The following RIMS1 variants were observed in gnomAD, a reference collection of about 807,000 sequenced individuals.
The protein encoded by RIMS1 is regulating synaptic membrane exocytosis 1.
Under a neutral mutation model 214.1 loss-of-function variants are expected in RIMS1, and 83 were observed. That is an observed-to-expected ratio of 0.39 (90% confidence interval 0.32 to 0.47). RIMS1 has a LOEUF of 0.47. Among genes scored for constraint, RIMS1 ranks in the 20% least tolerant of loss-of-function variants. The pLI is 0.99. For synonymous variants in RIMS1, 793 were observed against 786.8 expected (o/e 1.01, Z -0.13); for missense variants, 2,050 against 2,161.8 (o/e 0.95, Z 1.03).
At chr6:72,099,914 T>A (rs1187980457) in intron 3 of RIMS1, 61 bp from the exon 4 acceptor site, 5 of 1,411,484 alleles carry the variant, frequency 3.5e-6, no homozygotes, top group Non-Finnish European at 5.0e-6. Flanking sequence ...CATGGCTCAA[T>A]TTTGTTTTTC....
At chr6:72,050,827 G>T in intron 2 of RIMS1, among the ~76,000 whole-genome samples, 1 of 152,190 alleles carries the variant, frequency 6.6e-6, no homozygotes. Context: ...GTGCTCCAGT[G>T]TGGGACATCC....
intron 4 of RIMS1, among the ~76,000 whole-genome samples, chr6:72,141,283 A>T (rs1031948767): frequency 1.3e-5 from 2 of 152,052 alleles, no homozygotes; most frequent in African/African-American, 4.8e-5. Flanking sequence ...AGTGCCAGAC[A>T]GTTGAGCATG....
chr6:72,347,600 T>C (rs976421796), intron 29 of RIMS1, among the ~76,000 whole-genome samples: 12 of 152,032 alleles, frequency 7.9e-5, no homozygotes, highest in African/African-American at 2.6e-4. Context: ...TTATTTGACA[T>C]GAGCAAATGA....
Position 71,936,955 on chromosome 6 carries a change from C to T in RIMS1, c.165-32028C>T, listed in dbSNP as rs141965730. On this transcript the variant is annotated intron_variant, in intron 1 of 33. Coordinates refer to ENST00000521978, the MANE Select transcript of RIMS1 (RefSeq NM_014989.7). ...AAAGTATTAGCTTTCTATCACTGTCCAGTTCTGCTGTAAAACTCTGGGAAT... is the reference window on the plus strand; with the variant it reads ...AAAGTATTAGCTTTCTATCACTGTCTAGTTCTGCTGTAAAACTCTGGGAAT... Among the ~76,000 whole-genome samples the T allele has an allele frequency of 2.3e-3, 346 of 152,304 alleles. 1 individual carries two copies. Among genetic ancestry groups the T allele is most frequent in the African/African-American group, 7.7e-3 (322 of 41,570 alleles).
At chr6:72,046,905 A>G (rs1221655667) in intron 2 of RIMS1, among the ~76,000 whole-genome samples, 1 of 152,114 alleles carries the variant, frequency 6.6e-6, no homozygotes, top group Non-Finnish European at 1.5e-5. Context: ...ATTACCCCAA[A>G]GAATGCTTTT....
intron 4 of RIMS1, among the ~76,000 whole-genome samples, chr6:72,137,776 G>A (rs553250153): frequency 4.5e-5 from 6 of 133,780 alleles, no homozygotes; most frequent in South Asian, 2.3e-4. Flanking sequence ...TTGCTCTGTC[G>A]CCCAGGCTGG....
chr6:72,284,024 G>A, intron 23 of RIMS1, 23 bp from the exon 24 acceptor site: 2 of 1,579,118 alleles, frequency 1.3e-6, no homozygotes, highest in Non-Finnish European at 1.7e-6. Context: ...CATATATTTT[G>A]TGTTTAACAT....
At chr6:71,931,632 G>T (rs946273728) in intron 1 of RIMS1, among the ~76,000 whole-genome samples, 4 of 151,372 alleles carry the variant, frequency 2.6e-5, no homozygotes, top group Non-Finnish European at 5.9e-5. Context: ...GTTCCTTATA[G>T]ACCCTGGATA....
At chr6:72,111,192 T>G (rs1481176589) in intron 4 of RIMS1, among the ~76,000 whole-genome samples, 2 of 152,204 alleles carry the variant, frequency 1.3e-5, no homozygotes, top group East Asian at 1.9e-4. Context: ...AGGCATGTCT[T>G]TCTTTATCCT....
chr6:71,980,967 A>C (rs1271924903), intron 2 of RIMS1, among the ~76,000 whole-genome samples: 2 of 152,162 alleles, frequency 1.3e-5, no homozygotes, highest in Non-Finnish European at 2.9e-5. Flanking sequence ...ACATTCCTAA[A>C]GTATGCATTT....
intron 6 of RIMS1, among the ~76,000 whole-genome samples, chr6:72,230,014 A>G (rs1037857595): frequency 6.6e-6 from 1 of 151,820 alleles, no homozygotes; most frequent in Non-Finnish European, 1.5e-5. Flanking sequence ...ATTCAGTTCC[A>G]ACTCACATCC....
intron 28 of RIMS1, among the ~76,000 whole-genome samples, chr6:72,318,507 G>A (rs760021582): frequency 6.6e-6 from 1 of 152,046 alleles, no homozygotes; most frequent in African/African-American, 2.4e-5. Context: ...GCATATTCTT[G>A]TACAATGTTT....
chr6:71,904,905 A>G (rs966526332), intron 1 of RIMS1, among the ~76,000 whole-genome samples: 1 of 152,166 alleles, frequency 6.6e-6, no homozygotes, highest in Non-Finnish European at 1.5e-5. Context: ...CACTGAGGAC[A>G]TTTAATTTGA....
intron 26 of RIMS1, among the ~76,000 whole-genome samples, chr6:72,300,632 T>C (rs1384901147): frequency 1.3e-5 from 2 of 151,812 alleles, no homozygotes; most frequent in African/African-American, 2.4e-5. Flanking sequence ...GTGCATCTTA[T>C]GGGAGATAGT....
chr6:72,175,430 T>C (rs760625046), intron 4 of RIMS1: 1 of 372,958 alleles, frequency 2.7e-6, no homozygotes, highest in South Asian at 2.1e-5. Context: ...CCCAGCACTT[T>C]GGGAGGCTGA....
Position 71,887,205 on chromosome 6 carries a change from G to C in RIMS1, c.164+18G>C, listed in dbSNP as rs542773372. 3.8e-6 allele frequency: 6 copies of C among 1,595,554 alleles called. No individual in the cohort carries two copies. In the South Asian group the frequency reaches 4.5e-5, roughly 12 times the overall value. Reference sequence around the variant, plus strand: ...ATGCTCAAGTAAGCCAGCCCCAGCCGCGCCATCCATGCCTCCGTGCCTCCA... The same window carrying C: ...ATGCTCAAGTAAGCCAGCCCCAGCCCCGCCATCCATGCCTCCGTGCCTCCA... On this transcript the variant is annotated intron_variant, in intron 1 of 33. Coordinates refer to ENST00000521978, the MANE Select transcript of RIMS1 (RefSeq NM_014989.7).
rs867710746 is a variant in RIMS1 at position 71,944,528 on chromosome 6, C to T, written c.165-24455C>T. Among the ~76,000 whole-genome samples, 6 of 152,080 alleles carry T rather than the reference C, an allele frequency of 3.9e-5. No individual in the cohort carries two copies. The South Asian group carries it at 1.2e-3, about 32-fold the overall frequency. On this transcript the variant is annotated intron_variant, in intron 1 of 33. Transcript: ENST00000521978. ...AGATGGAGTAATATTAGAAAATGTACAGTTGGTGTGAAGTGGGTGTTAGAG... is the reference window on the plus strand; with the variant it reads ...AGATGGAGTAATATTAGAAAATGTATAGTTGGTGTGAAGTGGGTGTTAGAG...
At chr6:72,382,893 T>C (rs1218223150) in intron 29 of RIMS1, among the ~76,000 whole-genome samples, 1 of 152,192 alleles carries the variant, frequency 6.6e-6, no homozygotes, top group Non-Finnish European at 1.5e-5. Flanking sequence ...CAATCTACAG[T>C]CTCTCAATAA....
chr6:72,022,557 A>C (rs1214773777), intron 2 of RIMS1, among the ~76,000 whole-genome samples: 1 of 152,224 alleles, frequency 6.6e-6, no homozygotes, highest in East Asian at 1.9e-4. Flanking sequence ...CAAAATATGT[A>C]ACCTCATTAA....
Sources: gnomAD v4.1 joint callset for allele counts (sites outside exome capture counted in the v4.1 genomes callset) on GRCh38, gnomAD v4.1.1 for gene constraint, MANE v1.5 for transcripts, NCBI Gene and HGNC (gene_info 2026-07-23, HGNC 2026-07-21) for gene names.